The following TBC1D22A variants were observed in gnomAD, a reference collection of about 807,000 sequenced individuals.
TBC1D22A encodes TBC1 domain family member 22A.
A neutral mutation model predicts 60.2 loss-of-function variants in TBC1D22A; 38 were observed. The ratio of observed to expected loss-of-function variants is 0.63; its 90% CI spans 0.49 to 0.83. The LOEUF (loss-of-function observed/expected upper bound fraction) is 0.83. Ranked by LOEUF, TBC1D22A falls within the 40% of genes least tolerant of loss-of-function variation. TBC1D22A has a pLI of 0.00. For missense variants in TBC1D22A, 628 were observed against 701.0 expected (o/e 0.90, Z 1.18); for synonymous variants, 302 against 281.7 (o/e 1.07, Z -0.72).
intron 12 of TBC1D22A, among the ~76,000 whole-genome samples, chr22:47,124,339 T>A (rs1210709108): frequency 1.3e-5 from 2 of 152,156 alleles, no homozygotes; most frequent in Non-Finnish European, 2.9e-5. Context: ...AGAGCTTTCC[T>A]TGTGGGAGAG....
chr22:46,866,329 T>G (rs1029985639), intron 4 of TBC1D22A, among the ~76,000 whole-genome samples: 6 of 152,138 alleles, frequency 3.9e-5, no homozygotes, highest in Non-Finnish European at 8.8e-5. Context: ...GGTCTCAAAC[T>G]CCTGACCTCA....
At chr22:46,946,755 A>G (rs952141142) in intron 8 of TBC1D22A, among the ~76,000 whole-genome samples, 3 of 152,298 alleles carry the variant, frequency 2.0e-5, no homozygotes, top group African/African-American at 7.2e-5. Flanking sequence ...GCTACCTGGA[A>G]TGAGCCTGGG....
intron 7 of TBC1D22A, among the ~76,000 whole-genome samples, chr22:46,897,652 G>GTTTTTTT (rs34529641): frequency 1.8e-5 from 2 of 111,516 alleles, no homozygotes; most frequent in African/African-American, 3.9e-5. Context: ...TTTTTTTTGT[G>GTTTTTTT]TTTTTTTTTT....
rs753663753 is a variant in TBC1D22A at position 47,173,530 on chromosome 22, A to G, written c.1458A>G (p.Thr486=). Residue 486 remains threonine (T), a synonymous_variant, in exon 13 of 13, where the codon ACA becomes ACG. Coordinates refer to ENST00000337137, the MANE Select transcript of TBC1D22A (RefSeq NM_014346.5). ...TGCTCTTCCTCCAGAACCTGCCCAC[A>G]GCCCACTGGGATGATGAGGACATCA... ...ELLLFLQNLP[T]AHWDDEDISL... 2 of 1,614,156 alleles carry G rather than the reference A, an allele frequency of 1.2e-6. No homozygotes were observed. The highest frequency in any genetic ancestry group is 1.7e-6 in the Non-Finnish European group (2 of 1,180,018).
At chr22:46,801,977 G>A (rs561277696) in intron 4 of TBC1D22A, among the ~76,000 whole-genome samples, 2 of 152,390 alleles carry the variant, frequency 1.3e-5, no homozygotes, top group Admixed American at 1.3e-4. Flanking sequence ...GGGCAGCCGT[G>A]AAGGGGCCTG....
intron 12 of TBC1D22A, among the ~76,000 whole-genome samples, chr22:47,155,179 T>C (rs2067661048): frequency 6.6e-6 from 1 of 151,648 alleles, no homozygotes; most frequent in Admixed American, 6.6e-5. Flanking sequence ...TTTTCAGCAC[T>C]GAAAGGCGCT....
intron 1 of TBC1D22A, among the ~76,000 whole-genome samples, chr22:46,770,898 C>T (rs1349015674): frequency 6.6e-6 from 1 of 152,182 alleles, no homozygotes. Flanking sequence ...GTGTTCCCCG[C>T]CAGTTGGGTT....
chr22:47,040,328 C>T (rs549244831), intron 11 of TBC1D22A, among the ~76,000 whole-genome samples: 1 of 152,238 alleles, frequency 6.6e-6, no homozygotes, highest in East Asian at 1.9e-4. Context: ...GGTGGTAAAC[C>T]ACTCGGGAGA....
At chr22:47,073,853 C>G (rs1022006872) in intron 11 of TBC1D22A, among the ~76,000 whole-genome samples, 5 of 152,182 alleles carry the variant, frequency 3.3e-5, no homozygotes, top group Non-Finnish European at 7.3e-5. Context: ...TCAGGCTGGG[C>G]ACATTAGCAC....
At chr22:46,969,716 G>T (rs892422231) in intron 8 of TBC1D22A, among the ~76,000 whole-genome samples, 1 of 152,118 alleles carries the variant, frequency 6.6e-6, no homozygotes, top group Non-Finnish European at 1.5e-5. Flanking sequence ...CACCTTGCGG[G>T]CTCTTTGGGG....
At chr22:47,118,817 A>G (rs1387527456) in intron 12 of TBC1D22A, among the ~76,000 whole-genome samples, 5 of 150,016 alleles carry the variant, frequency 3.3e-5, no homozygotes, top group East Asian at 3.9e-4. Flanking sequence ...ACACACATAC[A>G]TTTAAAAAAT....
At chr22:46,906,324 C>T (rs1402054456) in intron 7 of TBC1D22A, among the ~76,000 whole-genome samples, 1 of 152,174 alleles carries the variant, frequency 6.6e-6, no homozygotes, top group Non-Finnish European at 1.5e-5. Context: ...AGAGCCTGCC[C>T]AGAATAAATG....
At chr22:47,091,044 TGGGGGGAGTGGCCTCGCAGAGG>T (rs1281396093) in intron 11 of TBC1D22A, among the ~76,000 whole-genome samples, 1 of 62,160 alleles carries the variant, frequency 1.6e-5, no homozygotes, top group Non-Finnish European at 3.1e-5. Context: ...AAGTCGTCTT[TGGGGGGAGTGGCCTCGCAGAGG>T]GGGTGGCTGC....
chr22:46,785,401 A>G (rs1187399604), intron 1 of TBC1D22A, among the ~76,000 whole-genome samples: 1 of 152,222 alleles, frequency 6.6e-6, no homozygotes, highest in African/African-American at 2.4e-5. Flanking sequence ...TAAAAGCTGT[A>G]TTGACTTTAA....
intron 11 of TBC1D22A, among the ~76,000 whole-genome samples, chr22:47,052,285 C>T (rs1174068750): frequency 6.6e-6 from 1 of 152,226 alleles, no homozygotes; most frequent in African/African-American, 2.4e-5. Context: ...GGGCCAGCGC[C>T]CTCCTGATGA....
At chr22:47,039,659 C>A (rs2062770071) in intron 11 of TBC1D22A, among the ~76,000 whole-genome samples, 1 of 149,432 alleles carries the variant, frequency 6.7e-6, no homozygotes, top group Non-Finnish European at 1.5e-5. Context: ...AATGGCCCTG[C>A]TCCCCCAGGG....
intron 12 of TBC1D22A, among the ~76,000 whole-genome samples, chr22:47,129,320 T>C (rs1296494083): frequency 6.6e-6 from 1 of 152,088 alleles, no homozygotes; most frequent in Non-Finnish European, 1.5e-5. Context: ...CTACTAAAAA[T>C]ACAAAAATTA....
At chr22:47,156,425 C>T (rs560445238) in intron 12 of TBC1D22A, among the ~76,000 whole-genome samples, 2 of 152,178 alleles carry the variant, frequency 1.3e-5, no homozygotes, top group East Asian at 3.9e-4. Context: ...TGCCACGGGC[C>T]GGCTGCTTGA....
At chr22:47,018,845 G>A (rs1162446656) in intron 10 of TBC1D22A, among the ~76,000 whole-genome samples, 1 of 152,104 alleles carries the variant, frequency 6.6e-6, no homozygotes. Flanking sequence ...CAGGGCCCTC[G>A]CCTGTCACTC....
Sources: allele counts gnomAD v4.1 joint callset (sites outside exome capture counted in the v4.1 genomes callset), GRCh38; gene constraint gnomAD v4.1.1; transcripts MANE v1.5; gene names NCBI Gene and HGNC (gene_info 2026-07-23, HGNC 2026-07-21).